The following IFT140 variants were observed in gnomAD, a reference collection of about 807,000 sequenced individuals.
IFT140 encodes intraflagellar transport 140, also known as intraflagellar transport protein 140 homolog.
Under a neutral mutation model 164.6 loss-of-function variants are expected in IFT140, and 133 were observed. The ratio of observed to expected loss-of-function variants is 0.81; its 90% CI spans 0.70 to 0.93. The LOEUF (loss-of-function observed/expected upper bound fraction) is 0.93. Ranked by LOEUF, IFT140 falls within the 40% of genes least tolerant of loss-of-function variation. IFT140 has a pLI of 0.00. For synonymous variants in IFT140, 860 were observed against 817.3 expected, an observed-to-expected ratio of 1.05 and a Z score of -0.89; for missense variants, 2,045 against 1,972.3, an observed-to-expected ratio of 1.04 and a Z score of -0.70.
intron 4 of IFT140, among the ~76,000 whole-genome samples, chr16:1,595,007 C>T (rs1021686421): frequency 1.3e-5 from 2 of 152,236 alleles, no homozygotes; most frequent in African/African-American, 4.8e-5. Flanking sequence ...ACTTGCAGGC[C>T]GGGCACGGTG....
chr16:1,521,650 C>A (rs1285318728), intron 26 of IFT140, among the ~76,000 whole-genome samples: 1 of 151,802 alleles, frequency 6.6e-6, no homozygotes, highest in Non-Finnish European at 1.5e-5. Flanking sequence ...CCTCGGCCTC[C>A]CAAAGTGCTG....
chr16:1,595,479 T>C (rs2035414662), intron 4 of IFT140, among the ~76,000 whole-genome samples: 1 of 145,208 alleles, frequency 6.9e-6, no homozygotes, highest in African/African-American at 2.6e-5. Flanking sequence ...GCCAGGCATG[T>C]TGGTGCACAC....
At chr16:1,606,471 C>A (rs2036066356) in intron 3 of IFT140, among the ~76,000 whole-genome samples, 1 of 151,924 alleles carries the variant, frequency 6.6e-6, no homozygotes, top group Non-Finnish European at 1.5e-5. Flanking sequence ...TCTTTTTTTT[C>A]TTTTCTGAGA....
chr16:1,531,148 T>C lies in IFT140; in HGVS notation c.2400-4352A>G, dbSNP rs914385967. 6.6e-6 allele frequency: 1 copy of C among 152,240 alleles called. No homozygotes were observed. Among genetic ancestry groups the C allele is most frequent in the African/African-American group, 2.4e-5 (1 of 41,446 alleles). 9.4% of individuals were successfully genotyped at this position (152,240 alleles called of 1,614,324 possible). ...CACTCCGGTGTGGGGTTCTGGGGTT[T>C]GTGCATCTGACATAAATTCCAAGAA... is the stretch of plus-strand genomic sequence containing the variant. On this transcript the variant is annotated intron_variant, in intron 19 of 30. Coordinates refer to ENST00000426508, the MANE Select transcript of IFT140 (RefSeq NM_014714.4). This position sits in a 1 kb window ranked among gnomAD's most constrained non-coding sequence, Gnocchi z 4.7.
rs143921767 is a variant in IFT140, at chr16:1,547,759, C to A, written c.2399+10176G>T. Among the ~76,000 whole-genome samples, 40 of 152,296 alleles carry A rather than the reference C, an allele frequency of 2.6e-4. 1 individual carries two copies. The East Asian group carries it at 7.4e-3, about 28-fold the overall frequency. Reference sequence around the variant, plus strand: ...CCATGTTGGCCAGGCTGGTCTCAAGCTTCTGACCTCAGGTGATCCACCCAC... The same window carrying A: ...CCATGTTGGCCAGGCTGGTCTCAAGATTCTGACCTCAGGTGATCCACCCAC... On this transcript the variant is annotated intron_variant, in intron 19 of 30. Coordinates refer to ENST00000426508, the MANE Select transcript of IFT140 (RefSeq NM_014714.4).
At chr16:1,512,723 G>A (rs1164540740) in intron 30 of IFT140, among the ~76,000 whole-genome samples, 1 of 152,214 alleles carries the variant, frequency 6.6e-6, no homozygotes, top group Non-Finnish European at 1.5e-5. Context: ...CCGGGAGGCT[G>A]AGGCTGCAGG....
At chr16:1,519,803 G>A in intron 29 of IFT140, 78 bp downstream of exon 29, 1 of 1,369,326 alleles carries the variant, frequency 7.3e-7, no homozygotes, top group South Asian at 1.5e-5. Context: ...CCTTTTGCTG[G>A]CTGGGGTTTC....
rs372696327 is a variant in IFT140, at chr16:1,556,297, G to A, written c.2399+1638C>T. Among the ~76,000 whole-genome samples, 6 of 152,330 alleles carry A rather than the reference G, an allele frequency of 3.9e-5. No individual in the cohort carries two copies. In the South Asian group the frequency reaches 6.2e-4, roughly 16 times the overall value. On this transcript the variant is annotated intron_variant, in intron 19 of 30. Coordinates refer to ENST00000426508, the MANE Select transcript of IFT140 (RefSeq NM_014714.4). Reference sequence around the variant, plus strand: ...CATCTACATCTGAGGGGTCAAAACCGGCCCATGCCCCCACCCAGAACCCAG... The same window carrying A: ...CATCTACATCTGAGGGGTCAAAACCAGCCCATGCCCCCACCCAGAACCCAG...
chr16:1,598,275 A>C (rs1878405312), intron 4 of IFT140, among the ~76,000 whole-genome samples: 1 of 152,130 alleles, frequency 6.6e-6, no homozygotes, highest in Admixed American at 6.5e-5. Flanking sequence ...TGGCTAACAC[A>C]GTGAAACCCC....
At chr16:1,539,876 G>A (rs1348680251) in intron 19 of IFT140, among the ~76,000 whole-genome samples, 2 of 152,190 alleles carry the variant, frequency 1.3e-5, no homozygotes, top group Non-Finnish European at 2.9e-5. Flanking sequence ...CCGTGCCCCA[G>A]GGTCCTTCAT....
chr16:1,562,487 T>C (rs1054663901), intron 17 of IFT140, among the ~76,000 whole-genome samples: 3 of 152,130 alleles, frequency 2.0e-5, no homozygotes, highest in Non-Finnish European at 4.4e-5. Flanking sequence ...AAATCAACAG[T>C]AGCAGGCTGC....
chr16:1,568,863 C>T (rs2033865709), intron 14 of IFT140, among the ~76,000 whole-genome samples: 1 of 152,214 alleles, frequency 6.6e-6, no homozygotes, highest in Non-Finnish European at 1.5e-5. Flanking sequence ...GTGGGGACTG[C>T]TTCATCGCCC....
rs1404356337 is a variant in IFT140, at chr16:1,525,885, A to AC, written c.2768+1dup. On this transcript the variant is annotated splice_donor_variant, in intron 21 of 30. Transcript: ENST00000426508. LOFTEE classifies it high-confidence loss of function. Reference sequence around the variant, plus strand: ...GGAAGAGGCCGCGAGGGCCGCACTCACTAACTGAGGGCCCGGCTGCAGTCG... The same window carrying AC: ...GGAAGAGGCCGCGAGGGCCGCACTCACCTAACTGAGGGCCCGGCTGCAGTCG... 3 of 1,538,180 alleles carry AC rather than the reference A, an allele frequency of 2.0e-6. No individual in the cohort carries two copies. The highest frequency in any genetic ancestry group is 1.7e-6 in the Non-Finnish European group (2 of 1,143,020).
rs909009465 is a variant in IFT140, at chr16:1,510,843, A to G, written c.*101T>C. ...CTCTGTCGCGTATTCCAACACAGACATGTTTTTTCCCAGCAAAAATGCTGG... is the reference window on the plus strand; with the variant it reads ...CTCTGTCGCGTATTCCAACACAGACGTGTTTTTTCCCAGCAAAAATGCTGG... On this transcript the variant is annotated 3_prime_UTR_variant, in exon 31 of 31. Coordinates refer to ENST00000426508, the MANE Select transcript of IFT140 (RefSeq NM_014714.4). The G allele has an allele frequency of 1.6e-5, 17 of 1,090,764 alleles. No homozygotes were observed. The African/African-American group carries it at 2.2e-4, about 14-fold the overall frequency. The allele number at this position is 1,090,764 out of a possible 1,614,324, so 67.6% of individuals were successfully genotyped here.
At position 1,584,268 on chromosome 16, in the gene IFT140, G is replaced by T; in HGVS notation, c.1308C>A (p.Val436=). The T allele has an allele frequency of 6.2e-7, 1 of 1,613,864 alleles. No individual in the cohort carries two copies. The highest frequency in any genetic ancestry group is 1.1e-5 in the South Asian group (1 of 91,074). Residue 436 remains valine (V), a synonymous_variant, in exon 11 of 31, where the codon GTC becomes GTA. Transcript: ENST00000426508. The part of the protein sequence containing the change: ...LLNVCFLSTG[V]AHSLRTDMHI... ...GCATGTCGGTGCGCAGGCTGTGTGC[G>T]ACCCCCGTGGACAGGAAGCACACAT...
intron 19 of IFT140, among the ~76,000 whole-genome samples, chr16:1,543,177 C>T (rs141579197): frequency 1.5e-3 from 224 of 152,362 alleles, no homozygotes; most frequent in African/African-American, 5.0e-3. Flanking sequence ...ATGACCAGCA[C>T]GGAGCTGCCC....
intron 19 of IFT140, chr16:1,541,332 GC>G (rs1452904884): frequency 4.5e-5 from 44 of 985,268 alleles, no homozygotes; most frequent in Non-Finnish European, 4.9e-5. Context: ...CCCCTGCTCA[GC>G]CCCTTGCTGG....
intron 10 of IFT140, 123 bp from the exon 11 acceptor site, chr16:1,584,543 A>C: frequency 1.3e-6 from 1 of 752,904 alleles, no homozygotes; most frequent in African/African-American, 1.8e-5. Flanking sequence ...ATTGTTCCGG[A>C]CTTAAAAAAT....
chr16:1,523,633 A>G lies in IFT140; in HGVS notation c.3338T>C (p.Ile1113Thr), dbSNP rs2040587535. 6.2e-6 allele frequency: 10 copies of G among 1,613,868 alleles called. No individual in the cohort carries two copies. The highest frequency in any genetic ancestry group is 1.6e-4 in the Middle Eastern group (1 of 6,084). Residue 1113 changes from isoleucine (I) to threonine (T), a missense_variant, in exon 26 of 31, where the codon ATA (isoleucine) becomes ACA (threonine). Ile to Thr is a moderately conservative substitution (Grantham distance 89, BLOSUM62 -1). Coordinates refer to ENST00000426508, the MANE Select transcript of IFT140 (RefSeq NM_014714.4). ...ATQQFVALQL[I>T]AEDLDETSDP... Reference sequence around the variant, plus strand: ...TGACGTCTCATCCAGGTCCTCTGCTATGAGCTGTAGGGCCACAAACTGCTG... The same window carrying G: ...TGACGTCTCATCCAGGTCCTCTGCTGTGAGCTGTAGGGCCACAAACTGCTG...
Sources: allele counts gnomAD v4.1 joint callset (sites outside exome capture counted in the v4.1 genomes callset), GRCh38; gene constraint gnomAD v4.1.1; non-coding constraint Gnocchi (gnomAD v3.1); transcripts MANE v1.5; gene names NCBI Gene and HGNC (gene_info 2026-07-23, HGNC 2026-07-21).